Variants in CCDC33 observed in about 807,000 individuals in gnomAD.
CCDC33 encodes coiled-coil domain containing 33.
Under a neutral mutation model 91.9 loss-of-function variants are expected in CCDC33, and 94 were observed. The ratio of observed to expected loss-of-function variants is 1.02; its 90% CI spans 0.87 to 1.21. The LOEUF is 1.21. Among genes scored for constraint, CCDC33 ranks in the 50% most tolerant of loss-of-function variants. The probability of loss-of-function intolerance (pLI) is 0.00; values close to 1 mark genes in which losing one functional copy is unlikely to be tolerated. For missense variants in CCDC33, 940 were observed against 935.5 expected, an observed-to-expected ratio of 1.00 and a Z score of -0.06; for synonymous variants, 396 against 374.5, an observed-to-expected ratio of 1.06 and a Z score of -0.66.
chr15:74,280,708 C>A lies in CCDC33; in HGVS notation c.930C>A (p.Gly310=). Residue 310 remains glycine, a synonymous_variant, in exon 9 of 19, where the codon GGC becomes GGA. Coordinates refer to ENST00000398814, the MANE Select transcript of CCDC33 (RefSeq NM_025055.5). ...SQPWTLNQPL[G]ISVLPLKSRL... ...CGTGGACCCTCAACCAGCCCCTGGG[C>A]ATCTCTGTGTTGCCGCTAAAGAGCC... 6.4e-7 allele frequency: 1 copy of A among 1,556,378 alleles called. No homozygotes were observed. The highest frequency in any genetic ancestry group is 1.2e-5 in the South Asian group (1 of 83,352).
intron 2 of CCDC33, among the ~76,000 whole-genome samples, chr15:74,260,046 ATATATC>A (rs2075978454): frequency 6.6e-6 from 1 of 152,204 alleles, no homozygotes; most frequent in South Asian, 2.1e-4. Context: ...TGCACTAACT[ATATATC>A]TATAAGTAGC....
At chr15:74,265,691 G>C (rs767971708) in intron 3 of CCDC33, among the ~76,000 whole-genome samples, 17 of 152,208 alleles carry the variant, frequency 1.1e-4, no homozygotes, top group Non-Finnish European at 2.2e-4. Context: ...CACTAAACAG[G>C]ACTGTCATGA....
At position 74,306,240 on chromosome 15, in the gene CCDC33, G is replaced by A. The variant is rs565336650; in HGVS notation, c.1290+10292G>A. On this transcript the variant is annotated intron_variant, in intron 11 of 18. Coordinates refer to ENST00000398814, the MANE Select transcript of CCDC33 (RefSeq NM_025055.5). ...GGAGACACATCAAGAATGGCTGGAGGAGGATGTGGTCAGGACTGGGGCTCA... is the reference window on the plus strand; with the variant it reads ...GGAGACACATCAAGAATGGCTGGAGAAGGATGTGGTCAGGACTGGGGCTCA... 2.6e-5 allele frequency among the ~76,000 whole-genome samples: 4 copies of A among 152,284 alleles called. No individual in the cohort carries two copies. The South Asian group carries it at 8.3e-4, about 32-fold the overall frequency.
chr15:74,237,757 G>T (rs1200729253), intron 1 of CCDC33, among the ~76,000 whole-genome samples: 1 of 152,174 alleles, frequency 6.6e-6, no homozygotes, highest in Non-Finnish European at 1.5e-5. Context: ...TTGGGGATCT[G>T]GGGAGTGTGC....
chr15:74,333,311 C>G, intron 16 of CCDC33: 1 of 1,588,100 alleles, frequency 6.3e-7, no homozygotes, highest in Non-Finnish European at 8.6e-7. Flanking sequence ...CACAGAGACC[C>G]TGCCCGCACA....
Position 74,230,572 on chromosome 15 carries a change from G to C in CCDC33, c.675+11711G>C, listed in dbSNP as rs142199459. On this transcript the variant is annotated intron_variant, in intron 2 of 2. Transcript: ENST00000635913. ...AATGCCAAGAGGAATCCTTCAACAT[G>C]GCAATCCATAAACGTGCCTGCTAAG... Among the ~76,000 whole-genome samples the C allele has an allele frequency of 2.0e-3, 308 of 152,294 alleles. 1 individual carries two copies. Among genetic ancestry groups the C allele is most frequent in the Non-Finnish European group, 3.4e-3 (232 of 68,016 alleles).
chr15:74,225,117 C>CGTGTGTGTGTGTGTGTGTGTGTGT (rs3057568), intron 2 of CCDC33, among the ~76,000 whole-genome samples: 6 of 139,830 alleles, frequency 4.3e-5, no homozygotes, highest in African/African-American at 1.4e-4. Context: ...CTCCTGGAGG[C>CGTGTGTGTGTGTGTGTGTGTGTGT]GTGTGTGTGT....
intron 18 of CCDC33, chr15:74,335,410 GGCTGCGCTC>G: frequency 5.2e-6 from 3 of 571,946 alleles, no homozygotes; most frequent in Non-Finnish European, 9.4e-6. Context: ...CTTTAGGACT[GGCTGCGCTC>G]ATGGGCAGAG....
intron 2 of CCDC33, among the ~76,000 whole-genome samples, chr15:74,211,265 T>C (rs1449840896): frequency 6.6e-6 from 1 of 152,034 alleles, no homozygotes; most frequent in Non-Finnish European, 1.5e-5. Context: ...CCTTCTGGGA[T>C]TGAGGGAAGG....
At chr15:74,208,865 C>T in intron 1 of CCDC33, 2 of 990,022 alleles carry the variant, frequency 2.0e-6, no homozygotes, top group Non-Finnish European at 2.4e-6. Context: ...TTGATCTCTC[C>T]CGGAAACTTG....
At chr15:74,211,270 G>GGAA (rs1489559966) in intron 2 of CCDC33, among the ~76,000 whole-genome samples, 2 of 152,052 alleles carry the variant, frequency 1.3e-5, no homozygotes, top group Non-Finnish European at 2.9e-5. Context: ...TGGGATTGAG[G>GGAA]GAAGGCCCCA....
intron 10 of CCDC33, among the ~76,000 whole-genome samples, chr15:74,293,748 C>T (rs1173890746): frequency 2.0e-5 from 3 of 152,200 alleles, no homozygotes; most frequent in South Asian, 2.1e-4. Flanking sequence ...AAGTCAGCCT[C>T]GGGGTCCCCC....
chr15:74,217,835 G>C (rs1298018551), intron 1 of CCDC33, among the ~76,000 whole-genome samples: 1 of 152,158 alleles, frequency 6.6e-6, no homozygotes, highest in Non-Finnish European at 1.5e-5. Flanking sequence ...GGGCAGATGA[G>C]AGATGGCTTT....
At chr15:74,226,318 T>C (rs530358064) in intron 2 of CCDC33, among the ~76,000 whole-genome samples, 1 of 152,304 alleles carries the variant, frequency 6.6e-6, no homozygotes, top group South Asian at 2.1e-4. Context: ...TATGAGCAGT[T>C]ATGACTTGGA....
chr15:74,325,863 A>G (rs2060299782), intron 11 of CCDC33, among the ~76,000 whole-genome samples: 1 of 152,074 alleles, frequency 6.6e-6, no homozygotes, highest in African/African-American at 2.4e-5. Flanking sequence ...CTTACCCCCA[A>G]CACACCCTCC....
At position 74,244,193 on chromosome 15, in the gene CCDC33, TG is replaced by T. The variant is rs762848495; in HGVS notation, c.185+46del. 1 of 1,576,850 alleles carries T rather than the reference TG, an allele frequency of 6.3e-7. No individual in the cohort carries two copies. The highest frequency in any genetic ancestry group is 1.2e-5 in the South Asian group (1 of 86,206). On this transcript the variant is annotated intron_variant, in intron 2 of 18. Transcript: ENST00000398814. The surrounding 1 kb of genome is among the most constrained non-coding windows in gnomAD (Gnocchi z 4.2). ...TGGGGGCAGGGGATGGGTTGGGCTG[TG>T]AGCAGAAACCAGGGGACAGCTATTT...
chr15:74,216,413 A>G (rs1365172100), upstream of CCDC33, among the ~76,000 whole-genome samples: 2 of 150,646 alleles, frequency 1.3e-5, no homozygotes, highest in South Asian at 4.2e-4. Flanking sequence ...TTTCACTTAC[A>G]AGTCAGGCGA....
chr15:74,296,064 C>A, intron 11 of CCDC33, 116 bp downstream of exon 11: 1 of 826,942 alleles, frequency 1.2e-6, no homozygotes, highest in Non-Finnish European at 1.9e-6. Context: ...GACCTCCCTC[C>A]CCTTAGGCAC....
At chr15:74,320,802 C>T (rs1425977629) in intron 11 of CCDC33, among the ~76,000 whole-genome samples, 1 of 152,236 alleles carries the variant, frequency 6.6e-6, no homozygotes, top group African/African-American at 2.4e-5. Context: ...GATATCCCAC[C>T]CAGCCAATGA....
Sources: allele counts gnomAD v4.1 joint callset (sites outside exome capture counted in the v4.1 genomes callset), GRCh38; gene constraint gnomAD v4.1.1; non-coding constraint Gnocchi (gnomAD v3.1); transcripts MANE v1.5; gene names NCBI Gene and HGNC (gene_info 2026-07-23, HGNC 2026-07-21).